PELI1: variants seen among roughly 807,000 people sequenced by gnomAD.
PELI1 encodes the protein pellino E3 ubiquitin protein ligase 1, also known as E3 ubiquitin-protein ligase pellino homolog 1.
In PELI1, 15 loss-of-function variants were observed where a neutral mutation model predicts 41.3. That is an observed-to-expected ratio of 0.36 (90% confidence interval 0.24 to 0.56). PELI1 has a LOEUF of 0.56. PELI1 is among the 20% of genes least tolerant of loss of function. The probability of loss-of-function intolerance (pLI) is 0.82; values close to 1 mark genes in which losing one functional copy is unlikely to be tolerated. For synonymous variants in PELI1, 178 were observed against 180.1 expected, an observed-to-expected ratio of 0.99 and a Z score of 0.09; for missense variants, 403 against 525.5, an observed-to-expected ratio of 0.77 and a Z score of 2.28.
chr2:64,123,603 C>T (rs942602501), intron 1 of PELI1, among the ~76,000 whole-genome samples: 1 of 152,100 alleles, frequency 6.6e-6, no homozygotes, highest in African/African-American at 2.4e-5. Context: ...CCACAATGAC[C>T]ACTTCAAACC....
intron 1 of PELI1, among the ~76,000 whole-genome samples, chr2:64,132,121 G>A (rs1481231910): frequency 6.6e-6 from 1 of 152,208 alleles, no homozygotes; most frequent in East Asian, 1.9e-4. Context: ...ACTAGACCAA[G>A]TCAGGATGCC....
At chr2:64,136,453 C>T (rs1380885835) in intron 1 of PELI1, among the ~76,000 whole-genome samples, 3 of 152,174 alleles carry the variant, frequency 2.0e-5, no homozygotes. Context: ...GAACTAGATT[C>T]CTAACAATTT....
chr2:64,132,147 A>C (rs924557911), intron 1 of PELI1, among the ~76,000 whole-genome samples: 1 of 152,176 alleles, frequency 6.6e-6, no homozygotes, highest in African/African-American at 2.4e-5. Flanking sequence ...AAATAATAAA[A>C]ATAGCTTCCA....
At chr2:64,109,311 A>C (rs888673877) in intron 1 of PELI1, among the ~76,000 whole-genome samples, 1 of 152,242 alleles carries the variant, frequency 6.6e-6, no homozygotes, top group Non-Finnish European at 1.5e-5. Context: ...TAATATCCAG[A>C]GCCTAGGAAC....
chr2:64,101,225 T>C (rs1333125891), intron 3 of PELI1, among the ~76,000 whole-genome samples: 1 of 151,980 alleles, frequency 6.6e-6, no homozygotes, highest in African/African-American at 2.4e-5. Context: ...ACTGGTTTTC[T>C]AACCATTTTG....
intron 4 of PELI1, among the ~76,000 whole-genome samples, chr2:64,097,594 A>C (rs1680287205): frequency 1.3e-5 from 2 of 152,226 alleles, no homozygotes; most frequent in African/African-American, 2.4e-5. Flanking sequence ...GACAAAAGTG[A>C]CAAGTGTCAC....
At chr2:64,115,067 A>G (rs1473396721) in intron 1 of PELI1, among the ~76,000 whole-genome samples, 1 of 152,240 alleles carries the variant, frequency 6.6e-6, no homozygotes, top group Non-Finnish European at 1.5e-5. Flanking sequence ...GTATTTTACT[A>G]GAATTGATAG....
At chr2:64,140,909 C>T (rs1396685590) in intron 1 of PELI1, among the ~76,000 whole-genome samples, 4 of 149,852 alleles carry the variant, frequency 2.7e-5, no homozygotes, top group Admixed American at 6.7e-5. Context: ...GGGAAATATT[C>T]TATGGCACAG....
At chr2:64,095,372 AG>A in intron 6 of PELI1, 104 bp from the exon 7 acceptor site, 1 of 669,150 alleles carries the variant, frequency 1.5e-6, no homozygotes, top group Non-Finnish European at 2.6e-6. Context: ...GAGGTTTCCT[AG>A]GATTTTCACT....
chr2:64,136,307 C>T (rs1576104132), intron 1 of PELI1, among the ~76,000 whole-genome samples: 1 of 151,964 alleles, frequency 6.6e-6, no homozygotes, highest in South Asian at 2.1e-4. Flanking sequence ...GTTTAAAATA[C>T]GTTAAATAAT....
At chr2:64,126,334 T>G (rs1249076144) in intron 1 of PELI1, among the ~76,000 whole-genome samples, 1 of 152,198 alleles carries the variant, frequency 6.6e-6, no homozygotes, top group Non-Finnish European at 1.5e-5. Context: ...CAGCTAATTT[T>G]TGTATTTTTA....
intron 1 of PELI1, among the ~76,000 whole-genome samples, chr2:64,123,839 A>C (rs191570877): frequency 1.3e-5 from 2 of 152,236 alleles, no homozygotes; most frequent in East Asian, 3.8e-4. Context: ...CAGACTGTGC[A>C]TTAATGTTCA....
At chr2:64,131,006 G>C (rs891053217) in intron 1 of PELI1, among the ~76,000 whole-genome samples, 3 of 152,016 alleles carry the variant, frequency 2.0e-5, no homozygotes, top group Non-Finnish European at 4.4e-5. Flanking sequence ...ATCAGTTCTA[G>C]AAATCAACAC....
At chr2:64,100,931 T>C (rs1365965140) in intron 3 of PELI1, among the ~76,000 whole-genome samples, 1 of 152,126 alleles carries the variant, frequency 6.6e-6, no homozygotes, top group Non-Finnish European at 1.5e-5. Context: ...CATTTCACCA[T>C]GTTGCCCAGG....
intron 1 of PELI1, among the ~76,000 whole-genome samples, chr2:64,131,289 A>G (rs1027479370): frequency 6.1e-5 from 9 of 147,918 alleles, no homozygotes; most frequent in African/African-American, 2.0e-4. Context: ...AGGGGTCAAA[A>G]AGTTCTAGCA....
In PELI1 at chr2:64,118,584, G is replaced by C. The variant is rs560043996; in HGVS notation, c.-69-10205C>G. Among the ~76,000 whole-genome samples the C allele has an allele frequency of 2.0e-5, 3 of 152,220 alleles. No homozygotes were observed. The South Asian group carries it at 6.2e-4, about 32-fold the overall frequency. ...CTAACAAGTATTCATTTTTTAGCAGGAAGACTCCCCCTAATCAATTATCAG... is the reference window on the plus strand; with the variant it reads ...CTAACAAGTATTCATTTTTTAGCAGCAAGACTCCCCCTAATCAATTATCAG... On this transcript the variant is annotated intron_variant, in intron 1 of 6. Coordinates refer to ENST00000358912, the MANE Select transcript of PELI1 (RefSeq NM_020651.4).
At chr2:64,117,265 G>A (rs1406639342) in intron 1 of PELI1, among the ~76,000 whole-genome samples, 1 of 151,898 alleles carries the variant, frequency 6.6e-6, no homozygotes, top group Non-Finnish European at 1.5e-5. Flanking sequence ...TTTTCTCAGA[G>A]ATTCATATTT....
intron 3 of PELI1, among the ~76,000 whole-genome samples, chr2:64,104,311 CATATT>C (rs35286188): frequency 0.076 from 11,524 of 152,190 alleles, 620 homozygotes; most frequent in African/African-American, 0.16. Flanking sequence ...CCTGAATACA[CATATT>C]ATACATCACA....
intron 1 of PELI1, among the ~76,000 whole-genome samples, chr2:64,124,881 C>T (rs932286924): frequency 6.6e-6 from 1 of 152,132 alleles, no homozygotes; most frequent in Non-Finnish European, 1.5e-5. Context: ...GTTCAGATGC[C>T]AATCAAAGTC....
Sources: allele counts gnomAD v4.1 joint callset (sites outside exome capture counted in the v4.1 genomes callset), GRCh38; gene constraint gnomAD v4.1.1; transcripts MANE v1.5; gene names NCBI Gene and HGNC (gene_info 2026-07-23, HGNC 2026-07-21).